Variants in MCPH1 observed in about 807,000 individuals in gnomAD.
MCPH1 encodes the protein microcephalin 1, also known as microcephalin.
A neutral mutation model predicts 84.5 loss-of-function variants in MCPH1; 104 were observed. The observed-to-expected ratio is 1.23, with a 90% CI of 1.05 to 1.45. The LOEUF is 1.45. Among genes scored for constraint, MCPH1 ranks in the 40% most tolerant of loss-of-function variants. The pLI is 0.00. For missense variants in MCPH1, 1,498 were observed against 1,005.7 expected (o/e 1.49, Z -6.62); for synonymous variants, 514 against 366.8 (o/e 1.40, Z -4.58).
chr8:6,625,644 A>G, intron 13 of MCPH1: 1 of 985,410 alleles, frequency 1.0e-6, no homozygotes, highest in Non-Finnish European at 1.2e-6. Context: ...GTCTTAGAGT[A>G]ATTTGAGCCG....
chr8:6,542,777 G>C (rs948342437), intron 12 of MCPH1, among the ~76,000 whole-genome samples: 12 of 152,116 alleles, frequency 7.9e-5, no homozygotes, highest in Non-Finnish European at 1.3e-4. Flanking sequence ...GAGGTAGCAT[G>C]ATCATCTCTG....
At chr8:6,499,411 A>G (rs933820959) in intron 11 of MCPH1, among the ~76,000 whole-genome samples, 1 of 152,202 alleles carries the variant, frequency 6.6e-6, no homozygotes, top group African/African-American at 2.4e-5. Flanking sequence ...GTTAGAAACA[A>G]AGTCACAAGC....
intron 12 of MCPH1, among the ~76,000 whole-genome samples, chr8:6,592,233 G>C (rs1291309760): frequency 6.6e-6 from 1 of 151,882 alleles, no homozygotes; most frequent in African/African-American, 2.4e-5. Context: ...GCTCACTGCA[G>C]CTCAACCTCT....
At chr8:6,543,781 A>G (rs1211873459) in intron 12 of MCPH1, among the ~76,000 whole-genome samples, 3 of 152,164 alleles carry the variant, frequency 2.0e-5, no homozygotes, top group Non-Finnish European at 4.4e-5. Context: ...CCAAGTATTT[A>G]AAGCTGCGAG....
chr8:6,490,729 C>G (rs953932504), intron 11 of MCPH1, among the ~76,000 whole-genome samples: 16 of 152,146 alleles, frequency 1.1e-4, no homozygotes, highest in African/African-American at 3.9e-4. Flanking sequence ...ATAGGAAAAT[C>G]TCATACAGAA....
At chr8:6,452,614 T>A (rs890922273) in intron 8 of MCPH1, among the ~76,000 whole-genome samples, 2 of 152,214 alleles carry the variant, frequency 1.3e-5, no homozygotes, top group Non-Finnish European at 2.9e-5. Flanking sequence ...CTTTGGAAGA[T>A]AATTAGGTTT....
chr8:6,432,958 A>G (rs1802055252), intron 4 of MCPH1, among the ~76,000 whole-genome samples: 1 of 152,210 alleles, frequency 6.6e-6, no homozygotes, highest in African/African-American at 2.4e-5. Flanking sequence ...GCAGCTTTCA[A>G]TTTGATGAGT....
At chr8:6,443,911 A>C (rs889644062) in intron 7 of MCPH1, among the ~76,000 whole-genome samples, 1 of 152,244 alleles carries the variant, frequency 6.6e-6, no homozygotes, top group Non-Finnish European at 1.5e-5. Flanking sequence ...AGCCTACCAA[A>C]TGGCTCACTT....
At chr8:6,622,120 C>T (rs1307332477) in intron 13 of MCPH1, 1 of 307,124 alleles carries the variant, frequency 3.3e-6, no homozygotes, top group Non-Finnish European at 6.5e-6. Flanking sequence ...CTCCCAGGTA[C>T]ATCTCATGAT....
intron 12 of MCPH1, among the ~76,000 whole-genome samples, chr8:6,539,619 C>G (rs750175950): frequency 1.3e-5 from 2 of 152,112 alleles, no homozygotes; most frequent in Non-Finnish European, 2.9e-5. Flanking sequence ...TGGAGTCTCG[C>G]TCTGTCTCTC....
At chr8:6,411,564 G>T (rs2515588) in intron 2 of MCPH1, among the ~76,000 whole-genome samples, 152,087 of 152,342 alleles carry the variant, frequency 1, 75,916 homozygotes, top group Non-Finnish European at 1. Context: ...TGCTAAGATC[G>T]ACAGTGAGAA....
chr8:6,558,223 G>T (rs1824962238), intron 12 of MCPH1, among the ~76,000 whole-genome samples: 1 of 152,002 alleles, frequency 6.6e-6, no homozygotes, highest in South Asian at 2.1e-4. Flanking sequence ...TTAAATAAAG[G>T]GCTGGTAAAA....
intron 12 of MCPH1, among the ~76,000 whole-genome samples, chr8:6,601,735 A>G (rs111243734): frequency 1.0e-5 from 1 of 98,964 alleles, no homozygotes; most frequent in African/African-American, 4.2e-5. Context: ...CCAATCACAT[A>G]CCACATATAC....
At chr8:6,627,286 A>G (rs1796808860) in intron 13 of MCPH1, 1 of 985,460 alleles carries the variant, frequency 1.0e-6, no homozygotes, top group Non-Finnish European at 1.2e-6. Flanking sequence ...AACCAGTCGC[A>G]GAGAGGGGAG....
chr8:6,625,393 G>T, intron 13 of MCPH1: 3 of 985,394 alleles, frequency 3.0e-6, no homozygotes, highest in Non-Finnish European at 3.6e-6. Flanking sequence ...GTCTTTTGGA[G>T]ACTTTTTTTC....
At chr8:6,416,300 CATGTCATGTCATGTT>C (rs1799291892) in intron 3 of MCPH1, among the ~76,000 whole-genome samples, 1 of 35,750 alleles carries the variant, frequency 2.8e-5, no homozygotes, top group African/African-American at 8.3e-5. Flanking sequence ...CATGTCATGT[CATGTCATGTCATGTT>C]ATTTGTTCTG....
At chr8:6,535,753 A>G (rs1461945048) in intron 12 of MCPH1, among the ~76,000 whole-genome samples, 1 of 152,220 alleles carries the variant, frequency 6.6e-6, no homozygotes, top group Non-Finnish European at 1.5e-5. Flanking sequence ...GTGTTGATTT[A>G]AAAAGATATT....
intron 12 of MCPH1, among the ~76,000 whole-genome samples, chr8:6,609,122 C>A (rs1313250301): frequency 2.0e-5 from 3 of 151,978 alleles, no homozygotes; most frequent in African/African-American, 7.3e-5. Flanking sequence ...ACCTATCAGA[C>A]CATTTTTTAA....
intron 11 of MCPH1, among the ~76,000 whole-genome samples, chr8:6,487,418 G>A (rs1810065658): frequency 1.3e-5 from 2 of 152,176 alleles, no homozygotes; most frequent in Admixed American, 6.5e-5. Flanking sequence ...TTAAAGAAAT[G>A]CTGAGCCGCT....
Sources: allele counts gnomAD v4.1 joint callset (sites outside exome capture counted in the v4.1 genomes callset), GRCh38; gene constraint gnomAD v4.1.1; transcripts MANE v1.5; gene names NCBI Gene and HGNC (gene_info 2026-07-23, HGNC 2026-07-21).